PLCB1: variants seen among roughly 807,000 people sequenced by gnomAD.
PLCB1 encodes the protein phospholipase C beta 1.
PLCB1 carries 46 observed loss-of-function variants against 161.8 expected under a neutral mutation model. The ratio of observed to expected loss-of-function variants is 0.28; its 90% CI spans 0.22 to 0.36. The LOEUF (loss-of-function observed/expected upper bound fraction) is 0.36. Among genes scored for constraint, PLCB1 ranks in the 10% least tolerant of loss-of-function variants. The pLI is 1.00. For synonymous variants in PLCB1, 517 were observed against 503.7 expected (o/e 1.03, Z -0.35); for missense variants, 1,016 against 1,472.5 (o/e 0.69, Z 5.07).
chr20:8,525,497 T>TA (rs1491232598), intron 3 of PLCB1, among the ~76,000 whole-genome samples: 1 of 152,152 alleles, frequency 6.6e-6, no homozygotes, highest in Non-Finnish European at 1.5e-5. Flanking sequence ...AATTTCACAC[T>TA]AAAAAACTGT....
At chr20:8,795,581 G>A (rs1331935700) in intron 31 of PLCB1, among the ~76,000 whole-genome samples, 5 of 152,142 alleles carry the variant, frequency 3.3e-5, no homozygotes, top group African/African-American at 1.2e-4. Context: ...AATCCATAGT[G>A]GTAGAATTTT....
intron 3 of PLCB1, among the ~76,000 whole-genome samples, chr20:8,393,052 T>C (rs963553191): frequency 2.0e-5 from 3 of 152,162 alleles, no homozygotes; most frequent in Non-Finnish European, 4.4e-5. Context: ...TTAGACAGTA[T>C]GTTTGTTGGT....
chr20:8,594,827 C>T (rs1448965669), intron 3 of PLCB1, among the ~76,000 whole-genome samples: 1 of 152,190 alleles, frequency 6.6e-6, no homozygotes, highest in African/African-American at 2.4e-5. Flanking sequence ...CCATTAGACA[C>T]TAAGCACATC....
Position 8,146,178 on chromosome 20 carries a change from T to C in PLCB1, c.100-4116T>C, listed in dbSNP as rs73895527. 8.3e-3 allele frequency among the ~76,000 whole-genome samples: 1,262 copies of C among 152,124 alleles called. 20 individuals are homozygous for C. The highest frequency in any genetic ancestry group is 0.028 in the African/African-American group (1,165 of 41,520). The stretch of plus-strand genomic sequence containing the variant: ...ACAGATATTCAGCCTATCTGCAATA[T>C]TGAAGTGTCATGGGGGATGATTAGA... On this transcript the variant is annotated intron_variant, in intron 1 of 31. Transcript: ENST00000338037.
chr20:8,861,714 G>C (rs1265372077), intron 31 of PLCB1, among the ~76,000 whole-genome samples: 1 of 127,942 alleles, frequency 7.8e-6, no homozygotes, highest in Non-Finnish European at 1.6e-5. Flanking sequence ...TGGTGACAGA[G>C]TGAGACTCTA....
At chr20:8,188,273 A>G (rs1378803489) in intron 2 of PLCB1, among the ~76,000 whole-genome samples, 1 of 152,142 alleles carries the variant, frequency 6.6e-6, no homozygotes, top group African/African-American at 2.4e-5. Context: ...CTGTCCACTA[A>G]CATTCCTTTG....
intron 23 of PLCB1, among the ~76,000 whole-genome samples, chr20:8,743,727 A>G (rs1319354615): frequency 6.6e-6 from 1 of 152,220 alleles, no homozygotes; most frequent in Non-Finnish European, 1.5e-5. Flanking sequence ...ATCTGAATTA[A>G]TTCTTAATCA....
chr20:8,376,607 G>A (rs1987089504), intron 3 of PLCB1, among the ~76,000 whole-genome samples: 1 of 152,182 alleles, frequency 6.6e-6, no homozygotes, highest in Non-Finnish European at 1.5e-5. Context: ...TGAGAAAGTG[G>A]TGGTAGTTTT....
chr20:8,354,333 C>G (rs1986291085), intron 2 of PLCB1, among the ~76,000 whole-genome samples: 1 of 151,930 alleles, frequency 6.6e-6, no homozygotes, highest in Admixed American at 6.6e-5. Context: ...GGACTAAAAA[C>G]AAAATCTAAA....
At chr20:8,801,996 A>C in intron 31 of PLCB1, 1 of 998,374 alleles carries the variant, frequency 1.0e-6, no homozygotes, top group Non-Finnish European at 1.6e-6. Flanking sequence ...GAAACACCAG[A>C]TGACTTAGAA....
chr20:8,502,078 G>A (rs1316606391), intron 3 of PLCB1, among the ~76,000 whole-genome samples: 2 of 151,158 alleles, frequency 1.3e-5, no homozygotes, highest in African/African-American at 4.9e-5. Flanking sequence ...TGTAATTAAC[G>A]TATCTTTTTA....
chr20:8,133,645 C>T (rs1008714560), intron 1 of PLCB1, among the ~76,000 whole-genome samples: 2 of 152,142 alleles, frequency 1.3e-5, no homozygotes, highest in African/African-American at 4.8e-5. Context: ...AGTTATCCAG[C>T]TGAAAACATG....
At position 8,733,501 on chromosome 20, in the gene PLCB1, ACTTT is replaced by A. The variant is rs1980381337; in HGVS notation, c.2043+113_2043+116del. Reference sequence around the variant, plus strand: ...AAATTTAGTAACTAGGAAAGATTCTACTTTCTTCCTACATTTTTTTTCTCTAAAG... The same window carrying A: ...AAATTTAGTAACTAGGAAAGATTCTACTTCCTACATTTTTTTTCTCTAAAG... On this transcript the variant is annotated intron_variant, in intron 19 of 31. Coordinates refer to ENST00000338037, the MANE Select transcript of PLCB1 (RefSeq NM_015192.4). 7.4e-6 allele frequency: 7 copies of A among 947,014 alleles called. No individual in the cohort carries two copies. The South Asian group carries it at 1.1e-4, about 15-fold the overall frequency. The allele number at this position is 947,014 out of a possible 1,614,324, so 58.7% of individuals were successfully genotyped here. A position where few individuals can be genotyped will look rare whatever the true frequency, so the allele number is the denominator to read the frequency against.
chr20:8,620,735 C>G (rs1458136815), intron 3 of PLCB1, among the ~76,000 whole-genome samples: 1 of 141,316 alleles, frequency 7.1e-6, no homozygotes, highest in Non-Finnish European at 1.5e-5. Context: ...AAACTCTGTC[C>G]CCTGCCCCCA....
chr20:8,808,117 T>C (rs1346500802), intron 31 of PLCB1, among the ~76,000 whole-genome samples: 2 of 152,220 alleles, frequency 1.3e-5, no homozygotes, highest in East Asian at 1.9e-4. Flanking sequence ...TACTTGCATC[T>C]TGTGGAACTG....
intron 2 of PLCB1, among the ~76,000 whole-genome samples, chr20:8,247,357 A>T (rs144275906): frequency 8.6e-5 from 13 of 151,988 alleles, no homozygotes; most frequent in African/African-American, 3.1e-4. Context: ...TCTCTAACTC[A>T]TTCATTCAAC....
chr20:8,363,416 C>G (rs1394153106), intron 2 of PLCB1, among the ~76,000 whole-genome samples: 1 of 152,128 alleles, frequency 6.6e-6, no homozygotes, highest in African/African-American at 2.4e-5. Context: ...TCCTGGAGGT[C>G]TTCTTCTCCA....
chr20:8,322,666 C>A (rs1984972476), intron 2 of PLCB1, among the ~76,000 whole-genome samples: 1 of 152,118 alleles, frequency 6.6e-6, no homozygotes, highest in Non-Finnish European at 1.5e-5. Context: ...CATCAGACAT[C>A]AAGTAGAAAA....
intron 31 of PLCB1, among the ~76,000 whole-genome samples, chr20:8,847,723 G>A (rs530125938): frequency 1.3e-5 from 2 of 152,218 alleles, no homozygotes; most frequent in Non-Finnish European, 2.9e-5. Context: ...ACTGTCCTCA[G>A]CTTCAATAAT....
Sources: gnomAD v4.1 joint callset for allele counts (sites outside exome capture counted in the v4.1 genomes callset) on GRCh38, gnomAD v4.1.1 for gene constraint, MANE v1.5 for transcripts, NCBI Gene and HGNC (gene_info 2026-07-23, HGNC 2026-07-21) for gene names.